The following ZBTB7C variants were observed in gnomAD, a reference collection of about 807,000 sequenced individuals.
ZBTB7C encodes the protein zinc finger and BTB domain-containing protein 7C.
In ZBTB7C, 8 loss-of-function variants were observed where a neutral mutation model predicts 25.7. The observed-to-expected ratio is 0.31, with a 90% CI of 0.18 to 0.56. ZBTB7C has a LOEUF of 0.56. ZBTB7C is among the 20% of genes least tolerant of loss of function. The probability of loss-of-function intolerance (pLI) is 0.91; values close to 1 mark genes in which losing one functional copy is unlikely to be tolerated. For missense variants in ZBTB7C, 824 were observed against 855.2 expected (o/e 0.96, Z 0.46); for synonymous variants, 394 against 369.0 (o/e 1.07, Z -0.78).
Position 48,210,177 on chromosome 18 carries a change from G to C in ZBTB7C, c.-78-24182C>G, listed in dbSNP as rs114007642. 7.7e-3 allele frequency among the ~76,000 whole-genome samples: 1,170 copies of C among 152,244 alleles called. 11 individuals carry two copies. Among genetic ancestry groups the C allele is most frequent in the African/African-American group, 0.027 (1,128 of 41,534 alleles). On this transcript the variant is annotated intron_variant, in intron 2 of 4. Coordinates refer to ENST00000590800, the MANE Select transcript of ZBTB7C (RefSeq NM_001318841.2). ...AAAAGTCAGCTAAGAACAAGTGTGG[G>C]CAAGGATGTGGAGAAATTGTAGCTT...
At chr18:48,314,028 C>T (rs1169089363) in intron 2 of ZBTB7C, among the ~76,000 whole-genome samples, 1 of 152,158 alleles carries the variant, frequency 6.6e-6, no homozygotes, top group African/African-American at 2.4e-5. Context: ...ACCTGCCTCA[C>T]CAGAACCAGA....
chr18:48,073,356 G>A (rs892584617), intron 3 of ZBTB7C, among the ~76,000 whole-genome samples: 1 of 152,178 alleles, frequency 6.6e-6, no homozygotes, highest in Non-Finnish European at 1.5e-5. Context: ...AGGCAGCGGA[G>A]CAGGGCCAGG....
intron 2 of ZBTB7C, among the ~76,000 whole-genome samples, chr18:48,302,072 G>A (rs1242750324): frequency 1.3e-5 from 2 of 152,150 alleles, no homozygotes; most frequent in Admixed American, 6.5e-5. Context: ...ATTCTCAGGG[G>A]GGTGTATTTC....
intron 2 of ZBTB7C, among the ~76,000 whole-genome samples, chr18:48,223,899 A>C (rs1944579): frequency 0.98 from 149,898 of 152,328 alleles, 73,802 homozygotes; most frequent in Middle Eastern, 1. Context: ...ATGTCCCAGA[A>C]AACCTTGGAG....
chr18:48,134,631 A>C (rs1447992763), intron 3 of ZBTB7C, among the ~76,000 whole-genome samples: 2 of 152,202 alleles, frequency 1.3e-5, no homozygotes, highest in East Asian at 3.9e-4. Context: ...GCTTGAAGCT[A>C]AACTCGAGTC....
At chr18:48,138,367 C>T (rs1339343178) in intron 3 of ZBTB7C, among the ~76,000 whole-genome samples, 1 of 152,178 alleles carries the variant, frequency 6.6e-6, no homozygotes, top group Non-Finnish European at 1.5e-5. Context: ...GGGGTATGCC[C>T]TGCAGGGAGC....
chr18:48,235,905 GTTTCT>G (rs1164769593), intron 2 of ZBTB7C, among the ~76,000 whole-genome samples: 1 of 152,032 alleles, frequency 6.6e-6, no homozygotes. Flanking sequence ...CTAAACGTGT[GTTTCT>G]TTTCATTTAT....
At chr18:48,354,060 A>G (rs1055500422) in intron 1 of ZBTB7C, among the ~76,000 whole-genome samples, 1 of 152,218 alleles carries the variant, frequency 6.6e-6, no homozygotes, top group African/African-American at 2.4e-5. Flanking sequence ...AGTTTCTCAG[A>G]TCCTCATTCA....
intron 3 of ZBTB7C, among the ~76,000 whole-genome samples, chr18:48,161,222 C>T (rs1037026679): frequency 3.3e-5 from 5 of 151,370 alleles, no homozygotes; most frequent in Non-Finnish European, 5.9e-5. Flanking sequence ...CCCAGAGGGC[C>T]TGGGGGACGG....
chr18:48,291,053 T>A (rs1249732471), intron 2 of ZBTB7C, among the ~76,000 whole-genome samples: 1 of 152,182 alleles, frequency 6.6e-6, no homozygotes, highest in African/African-American at 2.4e-5. Flanking sequence ...TAGCCCCAAC[T>A]CCATCTTAGG....
chr18:48,212,192 A>C (rs1331201616), intron 2 of ZBTB7C, among the ~76,000 whole-genome samples: 1 of 152,188 alleles, frequency 6.6e-6, no homozygotes, highest in African/African-American at 2.4e-5. Flanking sequence ...CCGTCTCTAC[A>C]AATAATTAAA....
chr18:48,275,007 G>A (rs1232006867), intron 2 of ZBTB7C, among the ~76,000 whole-genome samples: 1 of 152,094 alleles, frequency 6.6e-6, no homozygotes, highest in Non-Finnish European at 1.5e-5. Flanking sequence ...TTACTCTGGG[G>A]GCTTCGTCAT....
chr18:48,384,156 A>T (rs571184236), intron 1 of ZBTB7C, among the ~76,000 whole-genome samples: 33 of 152,308 alleles, frequency 2.2e-4, no homozygotes, highest in South Asian at 4.1e-4. Context: ...AGAAGGATGG[A>T]AATAAGATAC....
intron 2 of ZBTB7C, among the ~76,000 whole-genome samples, chr18:48,234,155 AAAC>A (rs573008238): frequency 7.9e-4 from 120 of 152,230 alleles, no homozygotes; most frequent in African/African-American, 2.8e-3. Flanking sequence ...GCAAAAAAAA[AAAC>A]AACCCTTCTT....
chr18:48,188,721 G>A (rs987115208), intron 2 of ZBTB7C, among the ~76,000 whole-genome samples: 7 of 152,062 alleles, frequency 4.6e-5, no homozygotes, highest in Admixed American at 3.3e-4. Flanking sequence ...CACTTAGCCA[G>A]TCCTATCCCT....
At chr18:48,264,364 T>A (rs2044252235) in intron 2 of ZBTB7C, among the ~76,000 whole-genome samples, 2 of 151,050 alleles carry the variant, frequency 1.3e-5, no homozygotes, top group South Asian at 4.2e-4. Flanking sequence ...AAAGGAGCAC[T>A]CGCCGCATGT....
At chr18:48,341,617 C>A (rs2046602952) in intron 1 of ZBTB7C, among the ~76,000 whole-genome samples, 1 of 152,224 alleles carries the variant, frequency 6.6e-6, no homozygotes, top group Non-Finnish European at 1.5e-5. Flanking sequence ...AATGACTCTC[C>A]TTAAAGGAGC....
At chr18:48,104,541 T>TTGTA (rs59450489) in intron 3 of ZBTB7C, among the ~76,000 whole-genome samples, 25,067 of 151,804 alleles carry the variant, frequency 0.17, 2,339 homozygotes, top group Non-Finnish European at 0.21. Context: ...CTCAGTAAAG[T>TTGTA]TGTATGTATG....
chr18:48,124,716 T>C (rs1363640920), intron 3 of ZBTB7C, among the ~76,000 whole-genome samples: 2 of 152,152 alleles, frequency 1.3e-5, no homozygotes, highest in African/African-American at 4.8e-5. Context: ...GTCTGTGAAG[T>C]GCTATCTGAG....
Sources: allele counts gnomAD v4.1 joint callset (sites outside exome capture counted in the v4.1 genomes callset), GRCh38; gene constraint gnomAD v4.1.1; transcripts MANE v1.5; gene names NCBI Gene and HGNC (gene_info 2026-07-23, HGNC 2026-07-21).